The following ERICH1 variants were observed in gnomAD, a reference collection of about 807,000 sequenced individuals.
ERICH1 encodes the protein glutamate-rich protein 1.
Under a neutral mutation model 39.6 loss-of-function variants are expected in ERICH1, and 56 were observed. That is an observed-to-expected ratio of 1.41 (90% confidence interval 1.14 to 1.77). The LOEUF is 1.77. ERICH1 is among the 40% of genes most tolerant of loss of function. The pLI, the probability that ERICH1 is intolerant of heterozygous loss-of-function variation, is 0.00. For missense variants in ERICH1, 826 were observed against 575.4 expected, an observed-to-expected ratio of 1.44 and a Z score of -4.45; for synonymous variants, 313 against 223.6, an observed-to-expected ratio of 1.40 and a Z score of -3.57.
At chr8:679,886 T>G (rs550442649) in intron 3 of ERICH1, among the ~76,000 whole-genome samples, 37 of 140,488 alleles carry the variant, frequency 2.6e-4, no homozygotes, top group African/African-American at 9.5e-4. Context: ...GCCACCCCTG[T>G]GAACACAGAA....
Position 683,841 on chromosome 8 carries a change from T to C in ERICH1, c.304+8637A>G, listed in dbSNP as rs527430711. Among the ~76,000 whole-genome samples, 4 of 152,338 alleles carry C rather than the reference T, an allele frequency of 2.6e-5. No individual in the cohort carries two copies. The East Asian group carries it at 7.7e-4, about 29-fold the overall frequency. ...GCTAAACGTCTGCCTTCTGAATACT[T>C]ACTAAACATGTGGCCAAATACACAT... On this transcript the variant is annotated intron_variant, in intron 3 of 5. Coordinates refer to ENST00000262109, the MANE Select transcript of ERICH1 (RefSeq NM_207332.3).
chr8:620,933 C>T (rs764858940), intron 3 of ERICH1, among the ~76,000 whole-genome samples: 10 of 152,188 alleles, frequency 6.6e-5, no homozygotes, highest in Non-Finnish European at 1.5e-4. Flanking sequence ...TAACCAGCAT[C>T]TACAGAACAC....
chr8:727,164 C>T (rs1383521003), intron 1 of ERICH1, among the ~76,000 whole-genome samples: 1 of 152,156 alleles, frequency 6.6e-6, no homozygotes. Flanking sequence ...CATGCATGCA[C>T]ACATACACCA....
At chr8:617,532 C>G (rs1796998787) in intron 3 of ERICH1, among the ~76,000 whole-genome samples, 1 of 152,190 alleles carries the variant, frequency 6.6e-6, no homozygotes, top group African/African-American at 2.4e-5. Flanking sequence ...TCCATCCTCA[C>G]TGCCCTCTGA....
chr8:670,731 G>C (rs1803112656), intron 4 of ERICH1, among the ~76,000 whole-genome samples: 1 of 152,196 alleles, frequency 6.6e-6, no homozygotes, highest in South Asian at 2.1e-4. Context: ...ATGCAGTGTT[G>C]AGTTCTGTTC....
At chr8:716,080 C>T in intron 1 of ERICH1, 73 bp from the exon 2 acceptor site, 1 of 1,508,006 alleles carries the variant, frequency 6.6e-7, no homozygotes, top group Non-Finnish European at 8.9e-7. Context: ...TCACACGTGA[C>T]TTTTACTCTA....
chr8:639,917 TTTC>T (rs529577787), intron 3 of ERICH1, among the ~76,000 whole-genome samples: 8 of 152,342 alleles, frequency 5.3e-5, no homozygotes, highest in African/African-American at 1.9e-4. Context: ...CTTAATTAAG[TTTC>T]TTATTTCCTG....
At chr8:730,469 C>G (rs1819722753) in intron 1 of ERICH1, among the ~76,000 whole-genome samples, 1 of 152,220 alleles carries the variant, frequency 6.6e-6, no homozygotes, top group Non-Finnish European at 1.5e-5. Flanking sequence ...AACCGCCACT[C>G]TTTTCATTAT....
At chr8:656,417 G>C (rs555498501) in intron 3 of ERICH1, among the ~76,000 whole-genome samples, 1 of 152,286 alleles carries the variant, frequency 6.6e-6, no homozygotes, top group South Asian at 2.1e-4. Flanking sequence ...TTCCCTTGGG[G>C]ACGACAAAGC....
chr8:679,013 C>T (rs1198888029), intron 3 of ERICH1, among the ~76,000 whole-genome samples: 1 of 149,298 alleles, frequency 6.7e-6, no homozygotes, highest in Non-Finnish European at 1.5e-5. Context: ...AGCTCCTACT[C>T]ACAGCAAGTG....
At chr8:723,010 T>C (rs530502165) in intron 1 of ERICH1, among the ~76,000 whole-genome samples, 10 of 152,352 alleles carry the variant, frequency 6.6e-5, no homozygotes, top group African/African-American at 2.4e-4. Context: ...AGCTCCAGTG[T>C]TGAAGGTGGG....
chr8:700,346 T>C (rs371497239), intron 2 of ERICH1, among the ~76,000 whole-genome samples: 1,146 of 4,020 alleles, frequency 0.29, 157 homozygotes, highest in Middle Eastern at 0.5. Flanking sequence ...CGCGCACAGA[T>C]CCGCACACGC....
intron 2 of ERICH1, among the ~76,000 whole-genome samples, chr8:701,182 C>T (rs974752490): frequency 1.3e-5 from 2 of 152,242 alleles, no homozygotes; most frequent in Non-Finnish European, 2.9e-5. Context: ...CCCCGCCAGA[C>T]GGGAGCACAC....
chr8:616,523 C>T (rs1352118518), intron 3 of ERICH1: 1 of 455,876 alleles, frequency 2.2e-6, no homozygotes, highest in Non-Finnish European at 4.4e-6. Flanking sequence ...GGAGTTGATA[C>T]CTGGGGACCA....
At chr8:660,420 G>A (rs376162960), downstream of ERICH1, among the ~76,000 whole-genome samples, 41 of 152,298 alleles carry the variant, frequency 2.7e-4, no homozygotes, top group East Asian at 7.7e-4. Flanking sequence ...GAGGGGCCAC[G>A]GGGCTGGGAC....
At chr8:725,628 A>C (rs1178989088) in intron 1 of ERICH1, 1 of 153,018 alleles carries the variant, frequency 6.5e-6, no homozygotes, top group Non-Finnish European at 1.5e-5. Context: ...CCCATGTCTG[A>C]GCAGCTCCTG....
At chr8:731,081 G>A (rs1167249402) in intron 1 of ERICH1, 59 bp downstream of exon 1, 2 of 1,403,148 alleles carry the variant, frequency 1.4e-6, no homozygotes, top group Non-Finnish European at 1.9e-6. Flanking sequence ...TCAACACCGC[G>A]GTCTGAGCCG....
intron 3 of ERICH1, among the ~76,000 whole-genome samples, chr8:674,720 A>C (rs1266462403): frequency 6.6e-6 from 1 of 152,138 alleles, no homozygotes; most frequent in Non-Finnish European, 1.5e-5. Flanking sequence ...GTCCTTTCTA[A>C]AGTTACTTGT....
intron 2 of ERICH1, among the ~76,000 whole-genome samples, chr8:706,015 G>A (rs1268445279): frequency 6.6e-6 from 1 of 152,184 alleles, no homozygotes; most frequent in Non-Finnish European, 1.5e-5. Flanking sequence ...ATGTTTGGAT[G>A]CATGAACACT....
Sources: allele counts gnomAD v4.1 joint callset (sites outside exome capture counted in the v4.1 genomes callset), GRCh38; gene constraint gnomAD v4.1.1; transcripts MANE v1.5; gene names NCBI Gene and HGNC (gene_info 2026-07-23, HGNC 2026-07-21).